NIPAL2: variants seen among roughly 807,000 people sequenced by gnomAD.
NIPAL2 encodes NIPA-like protein 2.
Under a neutral mutation model 48.9 loss-of-function variants are expected in NIPAL2, and 43 were observed. The observed-to-expected ratio is 0.88, with a 90% CI of 0.69 to 1.13. The LOEUF (loss-of-function observed/expected upper bound fraction) is 1.13, where lower values mean the gene tolerates loss of function less well. Ranked by LOEUF, NIPAL2 falls within the 50% of genes most tolerant of loss-of-function variation. The probability of loss-of-function intolerance (pLI) is 0.00; values close to 1 mark genes in which losing one functional copy is unlikely to be tolerated. For missense variants in NIPAL2, 446 were observed against 461.4 expected (o/e 0.97, Z 0.31); for synonymous variants, 167 against 174.6 (o/e 0.96, Z 0.34).
At chr8:98,288,777 A>G (rs570816731) in intron 1 of NIPAL2, among the ~76,000 whole-genome samples, 1 of 152,354 alleles carries the variant, frequency 6.6e-6, no homozygotes, top group Non-Finnish European at 1.5e-5. Flanking sequence ...TACATAGACA[A>G]CTGTGAAGAT....
intron 1 of NIPAL2, among the ~76,000 whole-genome samples, chr8:98,290,557 T>G (rs4593513): frequency 0.17 from 25,903 of 152,140 alleles, 3,073 homozygotes; most frequent in African/African-American, 0.34. Context: ...GATCTTTTGG[T>G]CCAACTTTAA....
chr8:98,206,068 C>T (rs913849762), intron 6 of NIPAL2, among the ~76,000 whole-genome samples: 1 of 152,172 alleles, frequency 6.6e-6, no homozygotes, highest in Non-Finnish European at 1.5e-5. Context: ...GCAACATCAT[C>T]TTTCTGTAAG....
At position 98,195,898 on chromosome 8, in the gene NIPAL2, AG is replaced by A. The variant is rs1447932486; in HGVS notation, c.944+43del. The A allele has an allele frequency of 3.6e-6, 5 of 1,374,416 alleles. No homozygotes were observed. In the Admixed American group the frequency reaches 9.4e-5, roughly 26 times the overall value. The allele number at this position is 1,374,416 out of a possible 1,614,324, so 85.1% of individuals were successfully genotyped here. A position where few individuals can be genotyped will look rare whatever the true frequency, so the allele number is the denominator to read the frequency against. On this transcript the variant is annotated intron_variant, in intron 9 of 10. Transcript: ENST00000430223. ...TACAATGCCGAAAATCCTACGTAAA[AG>A]TAATAGAATTTCACATGCTTTACCT... is the stretch of plus-strand genomic sequence containing the variant.
intron 4 of NIPAL2, among the ~76,000 whole-genome samples, chr8:98,228,652 A>T (rs772259967): frequency 6.6e-6 from 1 of 152,188 alleles, no homozygotes; most frequent in African/African-American, 2.4e-5. Context: ...CAGACCCTGG[A>T]TAGATCCATC....
chr8:98,271,373 C>T (rs922444982), intron 1 of NIPAL2, among the ~76,000 whole-genome samples: 1 of 152,098 alleles, frequency 6.6e-6, no homozygotes, highest in Non-Finnish European at 1.5e-5. Flanking sequence ...TGATTTCTTT[C>T]AGCAGTATTT....
chr8:98,236,101 A>C, intron 4 of NIPAL2, 54 bp downstream of exon 4: 2 of 1,247,796 alleles, frequency 1.6e-6, no homozygotes, highest in South Asian at 2.5e-5. Context: ...GGATTGTATT[A>C]TTTATTTCCT....
intron 4 of NIPAL2, among the ~76,000 whole-genome samples, chr8:98,229,242 A>G (rs1186884561): frequency 6.6e-6 from 1 of 152,254 alleles, no homozygotes; most frequent in Non-Finnish European, 1.5e-5. Flanking sequence ...GCTTGATAAC[A>G]TACACAAATA....
intron 3 of NIPAL2, among the ~76,000 whole-genome samples, chr8:98,250,630 G>C (rs1037285839): frequency 6.6e-6 from 1 of 152,202 alleles, no homozygotes; most frequent in South Asian, 2.1e-4. Context: ...AGCTAAAAAT[G>C]TTCTGAAGCT....
At chr8:98,210,186 T>A (rs1339690501) in intron 6 of NIPAL2, among the ~76,000 whole-genome samples, 1 of 152,136 alleles carries the variant, frequency 6.6e-6, no homozygotes, top group Non-Finnish European at 1.5e-5. Context: ...TTTCCTTAGC[T>A]TTATTTCAGT....
chr8:98,258,652 C>T (rs1206512392), intron 1 of NIPAL2, among the ~76,000 whole-genome samples: 1 of 152,162 alleles, frequency 6.6e-6, no homozygotes, highest in African/African-American at 2.4e-5. Context: ...TGGCCAATAC[C>T]AGAAGCCATA....
chr8:98,252,532 C>T lies in NIPAL2; in HGVS notation c.307G>A (p.Gly103Arg). ...GVLLMAVGETGNFAAYGFAPI... is the reference protein window; with the variant it reads ...GVLLMAVGETRNFAAYGFAPI... ...GCAAATCCATAGGCTGCAAAGTTCC[C>T]CGTCTCTCCCACGGCCATCAGCAGG... The change falls in exon 3 of 11, where the codon GGG (glycine) becomes AGG (arginine). Residue 103 changes from glycine (G) to arginine (R), a missense_variant. Gly to Arg is a moderately radical substitution (Grantham distance 125). Transcript: ENST00000430223. 6.2e-7 allele frequency: 1 copy of T among 1,614,048 alleles called. No individual in the cohort carries two copies. Among genetic ancestry groups the T allele is most frequent in the South Asian group, 1.1e-5 (1 of 91,070 alleles).
chr8:98,234,197 A>G (rs1055058697), intron 4 of NIPAL2, among the ~76,000 whole-genome samples: 3 of 152,188 alleles, frequency 2.0e-5, no homozygotes, highest in East Asian at 3.8e-4. Context: ...ATGCTGATTC[A>G]GAAACACTTC....
At position 98,272,759 on chromosome 8, in the gene NIPAL2, C is replaced by T. The variant is rs184969519; in HGVS notation, c.136-18672G>A. Reference sequence around the variant, plus strand: ...GCTCCCGAGTAACTGTGACTACAGACGCGTGGCACAATGCCTGGCTAATTT... The same window carrying T: ...GCTCCCGAGTAACTGTGACTACAGATGCGTGGCACAATGCCTGGCTAATTT... On this transcript the variant is annotated intron_variant, in intron 1 of 10. Transcript: ENST00000430223. Among the ~76,000 whole-genome samples, 369 of 151,980 alleles carry T rather than the reference C, an allele frequency of 2.4e-3. 8 individuals are homozygous for T. The highest frequency in any genetic ancestry group is 7.9e-4 in the Non-Finnish European group (54 of 67,964).
At chr8:98,245,450 T>C (rs1029276607) in intron 3 of NIPAL2, among the ~76,000 whole-genome samples, 1 of 152,234 alleles carries the variant, frequency 6.6e-6, no homozygotes, top group African/African-American at 2.4e-5. Flanking sequence ...AAGTGTCAAG[T>C]AATTCATGTT....
chr8:98,222,528 G>A lies in NIPAL2; in HGVS notation c.509C>T (p.Ala170Val), dbSNP rs746020511. 6.2e-7 allele frequency: 1 copy of A among 1,614,070 alleles called. No homozygotes were observed. The highest frequency in any genetic ancestry group is 1.1e-5 in the South Asian group (1 of 91,068). Residue 170 changes from alanine to valine, a missense_variant, in exon 5 of 11, where the codon GCA (alanine) becomes GTA (valine). Physicochemically the swap from Ala to Val is moderately conservative, Grantham distance 64. Coordinates refer to ENST00000430223, the MANE Select transcript of NIPAL2 (RefSeq NM_001321635.2). ...FAPNITQAIS[A>V]RTVQYYLVGW... is the part of the protein sequence containing the mutation. ...GACAAGGTAATACTGTACTGTTCTT[G>A]CTGAGATTGCCTGAGTTATATTTGG...
chr8:98,265,739 C>A (rs1814680696), intron 1 of NIPAL2, among the ~76,000 whole-genome samples: 1 of 134,598 alleles, frequency 7.4e-6, no homozygotes, highest in Non-Finnish European at 1.6e-5. Context: ...CCTCAGGGAT[C>A]TAGAACTGGA....
intron 4 of NIPAL2, among the ~76,000 whole-genome samples, chr8:98,226,437 AG>A: frequency 6.6e-6 from 1 of 152,224 alleles, no homozygotes; most frequent in Non-Finnish European, 1.5e-5. Context: ...TATCTACATG[AG>A]GGGGCATTCC....
At chr8:98,237,686 T>A (rs1450463941) in intron 3 of NIPAL2, among the ~76,000 whole-genome samples, 1 of 152,162 alleles carries the variant, frequency 6.6e-6, no homozygotes, top group African/African-American at 2.4e-5. Context: ...TTTACTGAAG[T>A]AATTATAATT....
At chr8:98,286,425 G>A (rs1217608072) in intron 1 of NIPAL2, among the ~76,000 whole-genome samples, 1 of 152,144 alleles carries the variant, frequency 6.6e-6, no homozygotes, top group Non-Finnish European at 1.5e-5. Flanking sequence ...AATCTTCAGT[G>A]AGGCATGGAG....
Sources: allele counts gnomAD v4.1 joint callset (sites outside exome capture counted in the v4.1 genomes callset), GRCh38; gene constraint gnomAD v4.1.1; transcripts MANE v1.5; gene names NCBI Gene and HGNC (gene_info 2026-07-23, HGNC 2026-07-21).